The following ST7 variants were observed in gnomAD, a reference collection of about 807,000 sequenced individuals.
ST7 encodes the protein suppressor of tumorigenicity 7 protein.
In ST7, 28 loss-of-function variants were observed where a neutral mutation model predicts 78.7. The observed-to-expected ratio is 0.36, with a 90% CI of 0.26 to 0.49. The LOEUF (loss-of-function observed/expected upper bound fraction) is 0.49. Among genes scored for constraint, ST7 ranks in the 20% least tolerant of loss-of-function variants. The pLI is 0.99. For missense variants in ST7, 418 were observed against 696.0 expected, an observed-to-expected ratio of 0.60 and a Z score of 4.49; for synonymous variants, 247 against 249.6, an observed-to-expected ratio of 0.99 and a Z score of 0.10.
At chr7:116,968,424 A>G (rs1439279489) in intron 1 of ST7, 8 of 447,358 alleles carry the variant, frequency 1.8e-5, no homozygotes, top group African/African-American at 4.2e-5. Flanking sequence ...ACCGTGCTGG[A>G]CTCGAATTCC....
At chr7:117,169,347 G>A (rs1807810744) in intron 9 of ST7, among the ~76,000 whole-genome samples, 1 of 151,750 alleles carries the variant, frequency 6.6e-6, no homozygotes, top group Non-Finnish European at 1.5e-5. Context: ...TGTTGGACAG[G>A]CTGGTGTCAA....
chr7:116,965,763 GA>G (rs1458251335), intron 1 of ST7: 1 of 152,878 alleles, frequency 6.5e-6, no homozygotes, highest in Non-Finnish European at 1.5e-5. Context: ...TAAGATATTT[GA>G]AAAAGATAAG....
chr7:117,010,146 T>C (rs1165875600), intron 1 of ST7, among the ~76,000 whole-genome samples: 1 of 152,268 alleles, frequency 6.6e-6, no homozygotes, highest in Non-Finnish European at 1.5e-5. Context: ...TTCTAGGTTC[T>C]AGGTAGCTAG....
At chr7:117,146,028 ACAGG>A (rs1805761128) in intron 9 of ST7, 1 of 152,164 alleles carries the variant, frequency 6.6e-6, no homozygotes, top group Non-Finnish European at 1.5e-5. Flanking sequence ...GCTGAGAACT[ACAGG>A]GTTTTTAGTT....
At chr7:117,029,937 A>G (rs1299504680) in intron 1 of ST7, among the ~76,000 whole-genome samples, 3 of 152,110 alleles carry the variant, frequency 2.0e-5, no homozygotes, top group Non-Finnish European at 4.4e-5. Context: ...TTATTACTGT[A>G]TAGCTTTATG....
In ST7 at chr7:117,134,131, T is replaced by A. The variant is rs1446700031; in HGVS notation, c.649T>A (p.Ser217Thr). 1 of 1,611,680 alleles carries A rather than the reference T, an allele frequency of 6.2e-7. No homozygotes were observed. Among genetic ancestry groups the A allele is most frequent in the Non-Finnish European group, 8.5e-7 (1 of 1,178,680 alleles). The part of the protein sequence containing the change: ...HEALEINEIR[S>T]RVEVPLIASS... ...TTTTTTCTTCTTGGTCAGAATTAGG[T>A]CCAGAGTTGAAGTTCCCCTAATTGC... The change falls in exon 7 of 16, where the codon TCC becomes ACC. Residue 217 changes from serine to threonine, a missense_variant. Coordinates refer to ENST00000323984, the MANE Select transcript of ST7 (RefSeq NM_001369598.1).
At chr7:117,217,566 G>A (rs1792787199) in intron 13 of ST7, among the ~76,000 whole-genome samples, 1 of 152,184 alleles carries the variant, frequency 6.6e-6, no homozygotes, top group Non-Finnish European at 1.5e-5. Context: ...ATCTTTGTGT[G>A]TTAACAACCT....
intron 12 of ST7, among the ~76,000 whole-genome samples, chr7:117,204,895 G>A (rs532794519): frequency 6.6e-6 from 1 of 152,238 alleles, no homozygotes; most frequent in South Asian, 2.1e-4. Flanking sequence ...TATAGAGAGA[G>A]AGAAAAATAA....
At chr7:116,989,948 T>C (rs566802919) in intron 1 of ST7, among the ~76,000 whole-genome samples, 23 of 152,280 alleles carry the variant, frequency 1.5e-4, no homozygotes, top group Admixed American at 6.5e-4. Flanking sequence ...TGTTTTTGTT[T>C]GTTTGTTTTT....
At chr7:117,079,101 G>C (rs1331341217) in intron 1 of ST7, among the ~76,000 whole-genome samples, 1 of 152,060 alleles carries the variant, frequency 6.6e-6, no homozygotes, top group African/African-American at 2.4e-5. Context: ...AAAAATGCAT[G>C]GTTGCGTCTG....
chr7:117,130,364 A>T, intron 4 of ST7, 127 bp from the exon 5 acceptor site: 1 of 533,930 alleles, frequency 1.9e-6, no homozygotes, highest in Non-Finnish European at 3.1e-6. Flanking sequence ...AATTTTTTTT[A>T]TTCATTAGCA....
intron 1 of ST7, among the ~76,000 whole-genome samples, chr7:117,008,553 T>C (rs1795250062): frequency 6.6e-6 from 1 of 152,214 alleles, no homozygotes; most frequent in South Asian, 2.1e-4. Context: ...GTGGTTTTCC[T>C]TATCTGGGAA....
chr7:117,028,269 T>G (rs1188047268), intron 1 of ST7, among the ~76,000 whole-genome samples: 1 of 152,220 alleles, frequency 6.6e-6, no homozygotes, highest in Non-Finnish European at 1.5e-5. Flanking sequence ...ATGTACAGCA[T>G]GAAAATTGAG....
At chr7:117,218,982 G>T in intron 13 of ST7, 102 bp from the exon 14 acceptor site, 1 of 851,756 alleles carries the variant, frequency 1.2e-6, no homozygotes, top group Non-Finnish European at 1.9e-6. Context: ...CTCCTTTGTA[G>T]AAGTGTTCCC....
chr7:117,016,328 A>G (rs571073573), intron 1 of ST7, among the ~76,000 whole-genome samples: 1 of 152,310 alleles, frequency 6.6e-6, no homozygotes, highest in South Asian at 2.1e-4. Context: ...TGAAGCAGGA[A>G]GGAACACATT....
At chr7:117,217,921 T>C (rs944737415) in intron 13 of ST7, among the ~76,000 whole-genome samples, 1 of 152,220 alleles carries the variant, frequency 6.6e-6, no homozygotes, top group African/African-American at 2.4e-5. Context: ...GTTTTTACTT[T>C]TAAATAATAT....
intron 10 of ST7, among the ~76,000 whole-genome samples, chr7:117,174,933 A>G (rs1808244773): frequency 6.6e-6 from 1 of 152,312 alleles, no homozygotes; most frequent in South Asian, 2.1e-4. Flanking sequence ...AAGCCTCCCA[A>G]AAGTGATGTG....
intron 1 of ST7, chr7:117,014,851 C>T: frequency 2.0e-6 from 1 of 505,884 alleles, no homozygotes; most frequent in Non-Finnish European, 3.1e-6. Flanking sequence ...GCCGTTGCCG[C>T]TTGAGAGAGA....
At chr7:116,982,995 T>G (rs933057490) in intron 1 of ST7, among the ~76,000 whole-genome samples, 1 of 152,148 alleles carries the variant, frequency 6.6e-6, no homozygotes, top group South Asian at 2.1e-4. Context: ...GCCTCCCAGG[T>G]TCAAGCGATT....
Sources: allele counts gnomAD v4.1 joint callset (sites outside exome capture counted in the v4.1 genomes callset), GRCh38; gene constraint gnomAD v4.1.1; transcripts MANE v1.5; gene names NCBI Gene and HGNC (gene_info 2026-07-23, HGNC 2026-07-21).